The following RAB2A variants were observed in gnomAD, a reference collection of about 807,000 sequenced individuals.
The protein encoded by RAB2A is ras-related protein Rab-2A.
A neutral mutation model predicts 32.5 loss-of-function variants in RAB2A; 7 were observed. That is an observed-to-expected ratio of 0.22 (90% CI 0.12 to 0.40). The LOEUF is 0.40. Among genes scored for constraint, RAB2A ranks in the 10% least tolerant of loss-of-function variants. RAB2A has a pLI of 1.00. For synonymous variants in RAB2A, 79 were observed against 85.2 expected (o/e 0.93, Z 0.40); for missense variants, 108 against 260.7 (o/e 0.41, Z 4.03).
intron 1 of RAB2A, among the ~76,000 whole-genome samples, chr8:60,526,047 ATATATATAT>A (rs937349646): frequency 2.5e-4 from 30 of 121,562 alleles, no homozygotes; most frequent in South Asian, 5.8e-4. Context: ...ATATATATAT[ATATATATAT>A]AAGTTTTCTG....
At chr8:60,565,982 G>T (rs1192925837) in intron 2 of RAB2A, among the ~76,000 whole-genome samples, 1 of 151,908 alleles carries the variant, frequency 6.6e-6, no homozygotes, top group Non-Finnish European at 1.5e-5. Context: ...CAAAGTGCTG[G>T]GATTACAGGC....
chr8:60,560,742 TTTTTTG>T (rs1375619544), intron 2 of RAB2A, among the ~76,000 whole-genome samples: 20 of 125,178 alleles, frequency 1.6e-4, no homozygotes, highest in Admixed American at 7.9e-4. Flanking sequence ...TTGTTTTTTG[TTTTTTG>T]TTTTTTTTTT....
chr8:60,526,314 A>G (rs1207472449), intron 1 of RAB2A, among the ~76,000 whole-genome samples: 4 of 152,006 alleles, frequency 2.6e-5, no homozygotes, highest in Non-Finnish European at 5.9e-5. Context: ...CCCGACTTCT[A>G]GAGTCCACCC....
chr8:60,536,381 G>A (rs969826749), intron 1 of RAB2A, among the ~76,000 whole-genome samples: 6 of 151,998 alleles, frequency 3.9e-5, no homozygotes, highest in East Asian at 1.9e-4. Flanking sequence ...TATAATATAC[G>A]ACTTAGAGAT....
intron 2 of RAB2A, among the ~76,000 whole-genome samples, chr8:60,568,878 A>AT (rs1280995959): frequency 3.9e-5 from 6 of 152,198 alleles, no homozygotes; most frequent in East Asian, 1.9e-4. Flanking sequence ...AATTTATCAC[A>AT]TAAAAAAAAA....
chr8:60,544,863 C>A (rs1807703604), intron 1 of RAB2A, among the ~76,000 whole-genome samples: 1 of 152,004 alleles, frequency 6.6e-6, no homozygotes. Context: ...TTTATTTTTT[C>A]ATGTTTCACG....
In RAB2A at chr8:60,621,821, G is replaced by A. The variant is rs1295550171; in HGVS notation, c.*1052G>A. On this transcript the variant is annotated 3_prime_UTR_variant, in exon 8 of 8. Transcript: ENST00000262646. Reference sequence around the variant, plus strand: ...CTCTATAATCTTTAAAATATGGTGAGCATCTTGTCTGTTTTGAAGGGGATA... The same window carrying A: ...CTCTATAATCTTTAAAATATGGTGAACATCTTGTCTGTTTTGAAGGGGATA... 4 of 152,090 alleles carry A rather than the reference G, an allele frequency of 2.6e-5. No individual in the cohort carries two copies. The highest frequency in any genetic ancestry group is 4.1e-4 in the South Asian group (2 of 4,828). The allele number at this position is 152,090 out of a possible 1,614,324, so 9.4% of individuals were successfully genotyped here.
At chr8:60,575,614 T>C (rs1015704313) in intron 3 of RAB2A, among the ~76,000 whole-genome samples, 2 of 151,874 alleles carry the variant, frequency 1.3e-5, no homozygotes, top group Middle Eastern at 3.2e-3. Context: ...ATCAGCCTTA[T>C]AGAAATGAAG....
intron 1 of RAB2A, among the ~76,000 whole-genome samples, chr8:60,539,181 C>T (rs192828145): frequency 6.6e-6 from 1 of 152,248 alleles, no homozygotes; most frequent in Admixed American, 6.5e-5. Flanking sequence ...TTTCAAAATA[C>T]AGAAAGGCAA....
At chr8:60,553,080 G>A (rs1042088043) in intron 1 of RAB2A, 1 of 152,220 alleles carries the variant, frequency 6.6e-6, no homozygotes, top group Admixed American at 6.5e-5. Flanking sequence ...GGGATAATAA[G>A]ATAGGCGTTG....
At chr8:60,579,398 A>G (rs1164448845) in intron 3 of RAB2A, among the ~76,000 whole-genome samples, 2 of 152,282 alleles carry the variant, frequency 1.3e-5, no homozygotes, top group East Asian at 3.9e-4. Flanking sequence ...AAGAGAACTT[A>G]CTGTCCACTC....
chr8:60,560,028 G>A (rs767532855), intron 2 of RAB2A, among the ~76,000 whole-genome samples: 3 of 152,174 alleles, frequency 2.0e-5, no homozygotes, highest in Non-Finnish European at 4.4e-5. Context: ...ATAGTTTTAA[G>A]TGTATACAAT....
chr8:60,589,228 C>T (rs976709677), intron 5 of RAB2A, among the ~76,000 whole-genome samples: 2 of 152,182 alleles, frequency 1.3e-5, no homozygotes, highest in Middle Eastern at 3.4e-3. Flanking sequence ...ATTTGGTCAC[C>T]GACCACTAGG....
rs1458962633 is a variant in RAB2A at position 60,623,015 on chromosome 8, T to C, written c.*2246T>C. Reference sequence around the variant, plus strand: ...ATTGTAATTGAATTTTTAGTTGATCTTCGATCAGTTTTTATAGCATCTATG... The same window carrying C: ...ATTGTAATTGAATTTTTAGTTGATCCTCGATCAGTTTTTATAGCATCTATG... On this transcript the variant is annotated 3_prime_UTR_variant, in exon 8 of 8. Coordinates refer to ENST00000262646, the MANE Select transcript of RAB2A (RefSeq NM_002865.3). 2.6e-5 allele frequency: 4 copies of C among 152,220 alleles called. No individual in the cohort carries two copies. The highest frequency in any genetic ancestry group is 5.9e-5 in the Non-Finnish European group (4 of 68,040). The allele number at this position is 152,220 out of a possible 1,614,324, so 9.4% of individuals were successfully genotyped here.
At chr8:60,575,300 A>G (rs969695728) in intron 3 of RAB2A, among the ~76,000 whole-genome samples, 8 of 151,766 alleles carry the variant, frequency 5.3e-5, no homozygotes, top group Admixed American at 1.3e-4. Context: ...GAGTCTTGTT[A>G]TGTTTCCCAG....
At chr8:60,567,078 T>C (rs1423131098) in intron 2 of RAB2A, among the ~76,000 whole-genome samples, 1 of 152,108 alleles carries the variant, frequency 6.6e-6, no homozygotes, top group Non-Finnish European at 1.5e-5. Flanking sequence ...GCAAGCCTGT[T>C]TGAGGGTGCC....
chr8:60,579,958 A>G (rs1401472626), intron 3 of RAB2A, among the ~76,000 whole-genome samples: 2 of 147,504 alleles, frequency 1.4e-5, no homozygotes, highest in African/African-American at 2.5e-5. Flanking sequence ...ACTTAAAACA[A>G]TATAGGTCAA....
chr8:60,607,158 A>G (rs1254152796), intron 6 of RAB2A, among the ~76,000 whole-genome samples: 4 of 144,250 alleles, frequency 2.8e-5, no homozygotes, highest in Non-Finnish European at 6.0e-5. Flanking sequence ...GGCCGGGCAC[A>G]GTGGCTCACA....
intron 1 of RAB2A, among the ~76,000 whole-genome samples, chr8:60,517,466 A>G (rs1360543577): frequency 6.6e-6 from 1 of 152,126 alleles, no homozygotes; most frequent in African/African-American, 2.4e-5. Flanking sequence ...CGACCCGGCC[A>G]GTCTTGCAGC....
Sources: gnomAD v4.1 joint callset for allele counts (sites outside exome capture counted in the v4.1 genomes callset) on GRCh38, gnomAD v4.1.1 for gene constraint, MANE v1.5 for transcripts, NCBI Gene and HGNC (gene_info 2026-07-23, HGNC 2026-07-21) for gene names.